Variants in LCA5 observed in about 807,000 individuals in gnomAD.
LCA5 encodes the protein lebercilin.
Under a neutral mutation model 53.0 loss-of-function variants are expected in LCA5, and 37 were observed. The ratio of observed to expected loss-of-function variants is 0.70; its 90% CI spans 0.54 to 0.92. The LOEUF is 0.92. Among genes scored for constraint, LCA5 ranks in the 40% least tolerant of loss-of-function variants. The probability of loss-of-function intolerance (pLI) is 0.00; values close to 1 mark genes in which losing one functional copy is unlikely to be tolerated. For missense variants in LCA5, 806 were observed against 790.5 expected, an observed-to-expected ratio of 1.02 and a Z score of -0.23; for synonymous variants, 303 against 282.9, an observed-to-expected ratio of 1.07 and a Z score of -0.71.
At position 79,491,655 on chromosome 6, in the gene LCA5, T is replaced by C. The variant is rs1769847346; in HGVS notation, c.1031A>G (p.Tyr344Cys). The C allele has an allele frequency of 6.2e-7, 1 of 1,613,290 alleles. No individual in the cohort carries two copies. The highest frequency in any genetic ancestry group is 8.5e-7 in the Non-Finnish European group (1 of 1,179,354). The part of the protein sequence containing the change: ...QTMEDFKPEE[Y>C]PLTPETIMCY... ...CATAATTGTTTCTGGAGTTAAAGGA[T>C]ATTCTTCTGGCTTGAAGTCTTCCAT... Residue 344 changes from tyrosine to cysteine, a missense_variant, in exon 6 of 8, where the codon TAT (tyrosine) becomes TGT (cysteine). Tyr to Cys is a radical substitution (Grantham distance 194). Coordinates refer to ENST00000369846, the MANE Select transcript of LCA5 (RefSeq NM_001122769.3).
rs1769717155 is a variant in LCA5, at chr6:79,487,856, T to C, written c.1242A>G (p.Arg414=). The C allele has an allele frequency of 1.9e-6, 3 of 1,604,614 alleles. No individual in the cohort carries two copies. Among genetic ancestry groups the C allele is most frequent in the South Asian group, 2.3e-5 (2 of 88,580 alleles). Residue 414 remains arginine (R), a synonymous_variant, in exon 8 of 8, where the codon AGA becomes AGG. Transcript: ENST00000369846. ...CTTTTTGCTTTTTATCAAGTTCTTC[T>C]CTTTCCCATTCTGTATGAAATCAAA... ...EVEKLEDEWE[R]EELDKKQKEK... is the part of the protein sequence containing the mutation.
intron 1 of LCA5, among the ~76,000 whole-genome samples, chr6:79,526,792 T>G (rs1766802869): frequency 6.6e-6 from 1 of 152,044 alleles, no homozygotes; most frequent in African/African-American, 2.4e-5. Context: ...GAACCAAATG[T>G]CTCCCAATAG....
At chr6:79,497,731 T>A (rs1032707424) in intron 3 of LCA5, among the ~76,000 whole-genome samples, 2 of 152,038 alleles carry the variant, frequency 1.3e-5, no homozygotes, top group African/African-American at 4.8e-5. Flanking sequence ...TAATCCCACT[T>A]TGGGAGGCCG....
chr6:79,528,250 G>C (rs187889480), intron 1 of LCA5, among the ~76,000 whole-genome samples: 1 of 152,086 alleles, frequency 6.6e-6, no homozygotes, highest in Non-Finnish European at 1.5e-5. Flanking sequence ...CAATTCCCTC[G>C]TTCTCTATAG....
chr6:79,488,085 T>C, intron 7 of LCA5: 1 of 508,026 alleles, frequency 2.0e-6, no homozygotes, highest in Non-Finnish European at 3.4e-6. Context: ...TAAAAAAATT[T>C]GTTCTTTGAG....
intron 1 of LCA5, 44 bp from the exon 2 acceptor site, chr6:79,519,129 AC>A (rs939234390): frequency 1.8e-6 from 1 of 553,654 alleles, no homozygotes; most frequent in Non-Finnish European, 3.2e-6. Flanking sequence ...TACAGTCTCT[AC>A]AGTTTCTACA....
At chr6:79,500,375 A>G (rs1289075750) in intron 3 of LCA5, among the ~76,000 whole-genome samples, 3 of 152,216 alleles carry the variant, frequency 2.0e-5, no homozygotes, top group Non-Finnish European at 4.4e-5. Flanking sequence ...TTTGCAAGCA[A>G]ACACAAAGGA....
chr6:79,488,995 G>T, intron 7 of LCA5, 89 bp downstream of exon 7: 1 of 1,464,394 alleles, frequency 6.8e-7, no homozygotes, highest in East Asian at 2.3e-5. Context: ...GCAATTCACA[G>T]TTAAGCTGGA....
chr6:79,513,949 A>T (rs1403761465), intron 2 of LCA5, among the ~76,000 whole-genome samples: 1 of 152,192 alleles, frequency 6.6e-6, no homozygotes, highest in Non-Finnish European at 1.5e-5. Flanking sequence ...AAGAAAAATG[A>T]TATCCCAATA....
intron 3 of LCA5, among the ~76,000 whole-genome samples, chr6:79,499,733 T>C (rs1205334040): frequency 6.6e-6 from 1 of 151,464 alleles, no homozygotes; most frequent in African/African-American, 2.4e-5. Flanking sequence ...TTAGGGTACA[T>C]GTGCACAATG....
Position 79,490,822 on chromosome 6 carries a change from G to A in LCA5, c.1098+766C>T, listed in dbSNP as rs1442865459. Among the ~76,000 whole-genome samples the A allele has an allele frequency of 4.6e-5, 7 of 152,150 alleles. No individual in the cohort carries two copies. The East Asian group carries it at 1.4e-3, about 29-fold the overall frequency. ...ACCATTGTATGAAATATGCTAGGTT[G>A]CCGATACGTTGTTTTCTTTGGGGTT... On this transcript the variant is annotated intron_variant, in intron 6 of 7. Coordinates refer to ENST00000369846, the MANE Select transcript of LCA5 (RefSeq NM_001122769.3).
chr6:79,487,277 CTG>C lies in LCA5; in HGVS notation c.1819_1820del (p.Gln607ValfsTer7), dbSNP rs1180426748. On this transcript the variant is annotated frameshift_variant, in exon 8 of 8. Coordinates refer to ENST00000369846, the MANE Select transcript of LCA5 (RefSeq NM_001122769.3). LOFTEE classifies it high-confidence loss of function. ...RKEKKANLME[Q>X]LFGASGSSTI... ...TGCTGCTACCACTGGCACCAAATAA[CTG>C]TTCCATCAAATTAGCTTTTTTCTCT... The C allele has an allele frequency of 4.3e-6, 7 of 1,613,954 alleles. No homozygotes were observed. The East Asian group carries it at 1.6e-4, about 36-fold the overall frequency.
In LCA5 at chr6:79,486,941, TA is replaced by T; in HGVS notation, c.*62del. On this transcript the variant is annotated 3_prime_UTR_variant, in exon 8 of 8. Coordinates refer to ENST00000369846, the MANE Select transcript of LCA5 (RefSeq NM_001122769.3). The stretch of plus-strand genomic sequence containing the variant: ...TAGCATTAAAAAGTCTAAATGTTTA[TA>T]ATAAATACTGTATTAAAATATTTCA... The T allele has an allele frequency of 7.6e-7, 1 of 1,317,188 alleles. No homozygotes were observed. The highest frequency in any genetic ancestry group is 1.0e-6 in the Non-Finnish European group (1 of 958,404). 81.6% of individuals were successfully genotyped at this position (1,317,188 alleles called of 1,614,324 possible). A position where few individuals can be genotyped will look rare whatever the true frequency, so the allele number is the denominator to read the frequency against.
intron 1 of LCA5, chr6:79,525,080 G>A (rs994721702): frequency 2.0e-5 from 3 of 151,346 alleles, no homozygotes; most frequent in East Asian, 3.9e-4. Flanking sequence ...TTCTGTTCTC[G>A]CATTACTGAG....
intron 3 of LCA5, among the ~76,000 whole-genome samples, chr6:79,501,803 TAG>T (rs1459665146): frequency 1.3e-5 from 2 of 150,982 alleles, no homozygotes; most frequent in Non-Finnish European, 3.0e-5. Flanking sequence ...ATATAATATA[TAG>T]AGTTCTCTAT....
At chr6:79,527,680 A>G (rs1381669734) in intron 1 of LCA5, among the ~76,000 whole-genome samples, 2 of 152,202 alleles carry the variant, frequency 1.3e-5, no homozygotes, top group Admixed American at 6.5e-5. Flanking sequence ...ACATCTGTCC[A>G]AGGGCTCCCT....
chr6:79,532,493 T>C (rs1171035228), intron 1 of LCA5, among the ~76,000 whole-genome samples: 1 of 152,184 alleles, frequency 6.6e-6, no homozygotes, highest in Non-Finnish European at 1.5e-5. Context: ...TCTGTCTACT[T>C]CTGTATCCTT....
chr6:79,530,748 A>T (rs1379974278), intron 1 of LCA5, among the ~76,000 whole-genome samples: 2 of 152,172 alleles, frequency 1.3e-5, no homozygotes, highest in Non-Finnish European at 2.9e-5. Flanking sequence ...ATTCACTTGT[A>T]AAAAATTAGT....
At position 79,506,877 on chromosome 6, in the gene LCA5, A is replaced by AT. The variant is rs1770284440; in HGVS notation, c.720+6334dup. On this transcript the variant is annotated intron_variant, in intron 3 of 7. Transcript: ENST00000369846. ...AGTCTGTATAACTCAATGAACCAGT[A>AT]TTTTCCAAATGACCAATGTGTGATG... 2.6e-5 allele frequency among the ~76,000 whole-genome samples: 4 copies of AT among 152,306 alleles called. No individual in the cohort carries two copies. In the South Asian group the frequency reaches 8.3e-4, roughly 32 times the overall value.
Sources: allele counts gnomAD v4.1 joint callset (sites outside exome capture counted in the v4.1 genomes callset), GRCh38; gene constraint gnomAD v4.1.1; transcripts MANE v1.5; gene names NCBI Gene and HGNC (gene_info 2026-07-23, HGNC 2026-07-21).